Variants in PRDM2 observed in about 807,000 individuals in gnomAD.
PRDM2 encodes PR/SET domain 2, also known as PR domain zinc finger protein 2.
PRDM2 carries 30 observed loss-of-function variants against 130.0 expected under a neutral mutation model. The ratio of observed to expected loss-of-function variants is 0.23; its 90% CI spans 0.17 to 0.31. PRDM2 has a LOEUF of 0.31. Among genes scored for constraint, PRDM2 ranks in the 10% least tolerant of loss-of-function variants. The pLI, the probability that PRDM2 is intolerant of heterozygous loss-of-function variation, is 1.00. For missense variants in PRDM2, 2,011 were observed against 2,108.4 expected, an observed-to-expected ratio of 0.95 and a Z score of 0.90; for synonymous variants, 871 against 782.4, an observed-to-expected ratio of 1.11 and a Z score of -1.89.
intron 2 of PRDM2, among the ~76,000 whole-genome samples, chr1:13,727,434 A>T (rs191510145): frequency 0.018 from 2,743 of 151,756 alleles, 63 homozygotes; most frequent in South Asian, 0.12. Context: ...TTTGTATTTT[A>T]AGTAGAGACG....
chr1:13,778,300 C>A, intron 7 of PRDM2, 118 bp from the exon 8 acceptor site: 1 of 1,042,902 alleles, frequency 9.6e-7, no homozygotes, highest in Non-Finnish European at 1.4e-6. Flanking sequence ...TATTGTTCAT[C>A]ATCATCTCCC....
intron 2 of PRDM2, among the ~76,000 whole-genome samples, chr1:13,724,497 CTTTTTT>C (rs749027235): frequency 1.5e-5 from 2 of 129,770 alleles, no homozygotes; most frequent in African/African-American, 2.8e-5. Context: ...CTTTTCATGG[CTTTTTT>C]TTTTTTTTTT....
At position 13,778,940 on chromosome 1, in the gene PRDM2, A is replaced by C; in HGVS notation, c.1145A>C (p.His382Pro). Residue 382 changes from histidine (H) to proline (P), a missense_variant, in exon 8 of 10, where the codon CAT (histidine) becomes CCT (proline). Transcript: ENST00000311066. Reference sequence around the variant, plus strand: ...GGGCTTGAGCGTCACATGCATATCCATATATCCACCGTCAATCATGCTTTC... The same window carrying C: ...GGGCTTGAGCGTCACATGCATATCCCTATATCCACCGTCAATCATGCTTTC... ...KQGLERHMHI[H>P]ISTVNHAFKC... The C allele has an allele frequency of 6.2e-7, 1 of 1,614,230 alleles. No homozygotes were observed. Among genetic ancestry groups the C allele is most frequent in the Non-Finnish European group, 8.5e-7 (1 of 1,180,048 alleles).
chr1:13,700,885 C>T (rs1488382575), intron 1 of PRDM2, among the ~76,000 whole-genome samples: 2 of 152,128 alleles, frequency 1.3e-5, no homozygotes, highest in East Asian at 1.9e-4. Flanking sequence ...CGCACGCGCG[C>T]GTGTGTGTGT....
chr1:13,772,411 C>T (rs528496761), intron 6 of PRDM2, among the ~76,000 whole-genome samples: 2 of 152,324 alleles, frequency 1.3e-5, no homozygotes, highest in South Asian at 4.1e-4. Flanking sequence ...ACTTGGAATG[C>T]AGTCAGTGTT....
chr1:13,768,020 G>C (rs541469908), intron 6 of PRDM2, among the ~76,000 whole-genome samples: 4 of 150,298 alleles, frequency 2.7e-5, no homozygotes, highest in Non-Finnish European at 4.4e-5. Flanking sequence ...AGTCATTATT[G>C]ATATTAAGAA....
intron 8 of PRDM2, among the ~76,000 whole-genome samples, chr1:13,808,573 G>C (rs938881841): frequency 1.3e-5 from 2 of 151,940 alleles, no homozygotes; most frequent in East Asian, 1.9e-4. Flanking sequence ...TTATGGAGGA[G>C]CATCTTGGGG....
Position 13,806,712 on chromosome 1 carries a change from C to G in PRDM2, c.5037-9715C>G, listed in dbSNP as rs560982702. 9.3e-4 allele frequency among the ~76,000 whole-genome samples: 141 copies of G among 152,252 alleles called. No individual in the cohort carries two copies. Among genetic ancestry groups the G allele is most frequent in the African/African-American group, 2.5e-3 (103 of 41,538 alleles). On this transcript the variant is annotated intron_variant, in intron 8 of 9. Transcript: ENST00000311066. This position sits in a 1 kb window ranked among gnomAD's most constrained non-coding sequence, Gnocchi z 4.1. Reference sequence around the variant, plus strand: ...TGGCAGTCACCTCCTTGCTGGTGTCCCCAGTTCCTTCCCTGTCAACCCACG... The same window carrying G: ...TGGCAGTCACCTCCTTGCTGGTGTCGCCAGTTCCTTCCCTGTCAACCCACG...
At position 13,806,314 on chromosome 1, in the gene PRDM2, C is replaced by T. The variant is rs1394102371; in HGVS notation, c.5037-10113C>T. ...TGTCCCCTCGCTCCGTCTCCGCTCCCCCTTGGTGATCTCATCCAGTCACAT... is the reference window on the plus strand; with the variant it reads ...TGTCCCCTCGCTCCGTCTCCGCTCCTCCTTGGTGATCTCATCCAGTCACAT... On this transcript the variant is annotated intron_variant, in intron 8 of 9. Coordinates refer to ENST00000311066, the MANE Select transcript of PRDM2 (RefSeq NM_001393986.1). The surrounding 1 kb of genome is among the most constrained non-coding windows in gnomAD (Gnocchi z 4.1). Among the ~76,000 whole-genome samples, 1 of 152,138 alleles carries T rather than the reference C, an allele frequency of 6.6e-6. No individual in the cohort carries two copies. Among genetic ancestry groups the T allele is most frequent in the Non-Finnish European group, 1.5e-5 (1 of 68,028 alleles).
At chr1:13,731,988 C>A (rs573878613) in intron 3 of PRDM2, among the ~76,000 whole-genome samples, 1 of 152,224 alleles carries the variant, frequency 6.6e-6, no homozygotes, top group South Asian at 2.1e-4. Context: ...ATTTGTACAT[C>A]CTAGCAGGAT....
chr1:13,813,423 C>T (rs908264922), intron 8 of PRDM2, among the ~76,000 whole-genome samples: 6 of 152,174 alleles, frequency 3.9e-5, no homozygotes, highest in Admixed American at 6.5e-5. Flanking sequence ...CAGTCCCCCA[C>T]GACATCCTGT....
intron 5 of PRDM2, among the ~76,000 whole-genome samples, chr1:13,746,141 A>G (rs1204312416): frequency 6.6e-6 from 1 of 152,118 alleles, no homozygotes; most frequent in African/African-American, 2.4e-5. Context: ...TTGGTTTTAT[A>G]CCTGTTTGAA....
intron 8 of PRDM2, among the ~76,000 whole-genome samples, chr1:13,793,230 T>C (rs962655441): frequency 6.6e-6 from 1 of 152,258 alleles, no homozygotes; most frequent in Non-Finnish European, 1.5e-5. Flanking sequence ...GGGAGCTCTG[T>C]GCCCCCCACC....
intron 9 of PRDM2, among the ~76,000 whole-genome samples, chr1:13,821,630 T>TA (rs1645353516): frequency 6.6e-6 from 1 of 151,930 alleles, no homozygotes; most frequent in Non-Finnish European, 1.5e-5. Flanking sequence ...AATGTATTTT[T>TA]GTATTTTTGT....
At chr1:13,740,565 T>A (rs1643407768) in intron 4 of PRDM2, among the ~76,000 whole-genome samples, 1 of 152,190 alleles carries the variant, frequency 6.6e-6, no homozygotes, top group Admixed American at 6.5e-5. Context: ...ACTAGGATGG[T>A]CAAGGAAGGC....
At chr1:13,822,764 G>C (rs1483416101) in intron 9 of PRDM2, among the ~76,000 whole-genome samples, 1 of 152,104 alleles carries the variant, frequency 6.6e-6, no homozygotes, top group African/African-American at 2.4e-5. Context: ...ATACAGAATG[G>C]GTGGCTCTCA....
At chr1:13,731,784 T>G (rs1044726994) in intron 3 of PRDM2, among the ~76,000 whole-genome samples, 3 of 152,228 alleles carry the variant, frequency 2.0e-5, no homozygotes, top group African/African-American at 4.8e-5. Context: ...TATCCCTGTT[T>G]CTTTTTTTTA....
chr1:13,726,712 T>G (rs1326764795), intron 2 of PRDM2, among the ~76,000 whole-genome samples: 2 of 152,256 alleles, frequency 1.3e-5, no homozygotes, highest in African/African-American at 4.8e-5. Flanking sequence ...TAATACATAC[T>G]GTTCCAGATC....
intron 8 of PRDM2, among the ~76,000 whole-genome samples, chr1:13,790,893 T>C (rs1408567526): frequency 1.3e-5 from 2 of 152,124 alleles, no homozygotes; most frequent in Non-Finnish European, 2.9e-5. Flanking sequence ...TGAGAAGCTT[T>C]AGGGTGGATT....
Sources: gnomAD v4.1 joint callset for allele counts (sites outside exome capture counted in the v4.1 genomes callset) on GRCh38, gnomAD v4.1.1 for gene constraint, Gnocchi (gnomAD v3.1) non-coding constraint, MANE v1.5 for transcripts, NCBI Gene and HGNC (gene_info 2026-07-23, HGNC 2026-07-21) for gene names.